The following DGCR2 variants were observed in gnomAD, a reference collection of about 807,000 sequenced individuals.
The protein encoded by DGCR2 is DiGeorge syndrome critical region gene 2.
A neutral mutation model predicts 51.6 loss-of-function variants in DGCR2; 24 were observed. That is an observed-to-expected ratio of 0.47 (90% CI 0.34 to 0.65). The LOEUF (loss-of-function observed/expected upper bound fraction) is 0.65, where lower values mean the gene tolerates loss of function less well. Ranked by LOEUF, DGCR2 falls within the 30% of genes least tolerant of loss-of-function variation. The pLI is 0.01. For missense variants in DGCR2, 765 were observed against 772.1 expected, an observed-to-expected ratio of 0.99 and a Z score of 0.11; for synonymous variants, 340 against 315.4, an observed-to-expected ratio of 1.08 and a Z score of -0.82.
chr22:19,100,559 G>A (rs1006454615), intron 1 of DGCR2, among the ~76,000 whole-genome samples: 11 of 151,978 alleles, frequency 7.2e-5, no homozygotes, highest in African/African-American at 1.9e-4. Context: ...CCAGCTACTC[G>A]GGAGGCTGAG....
chr22:19,112,360 G>A (rs1340685782), intron 1 of DGCR2, among the ~76,000 whole-genome samples: 1 of 151,830 alleles, frequency 6.6e-6, no homozygotes, highest in Admixed American at 6.6e-5. Flanking sequence ...TGAAAGAGGG[G>A]CTTGTTATAA....
At position 19,049,209 on chromosome 22, in the gene DGCR2, T is replaced by G. The variant is rs992308457; in HGVS notation, c.803-566A>C. Among the ~76,000 whole-genome samples the G allele has an allele frequency of 6.6e-5, 10 of 152,302 alleles. No individual in the cohort carries two copies. In the East Asian group the frequency reaches 1.5e-3, roughly 24 times the overall value. ...GCAGCTGCTATGAGTATTAACCATT[T>G]CAAAATCAGAATGTGTGTAAGGAAG... is the stretch of plus-strand genomic sequence containing the variant. On this transcript the variant is annotated intron_variant, in intron 6 of 9. Transcript: ENST00000263196.
chr22:19,039,157 A>T (rs753874055), intron 9 of DGCR2, 36 bp from the exon 10 acceptor site: 1 of 1,609,984 alleles, frequency 6.2e-7, no homozygotes. Flanking sequence ...AGAGGCAGGT[A>T]CGGGCCTGGC....
intron 1 of DGCR2, among the ~76,000 whole-genome samples, chr22:19,103,246 T>C (rs1170825750): frequency 6.6e-6 from 1 of 150,386 alleles, no homozygotes; most frequent in African/African-American, 2.5e-5. Context: ...AATTGGGGAG[T>C]TACTGTTTAA....
intron 1 of DGCR2, among the ~76,000 whole-genome samples, chr22:19,098,283 G>C (rs1389414981): frequency 6.6e-6 from 1 of 150,844 alleles, no homozygotes; most frequent in Non-Finnish European, 1.5e-5. Flanking sequence ...GCCTAGCCCT[G>C]TTTTCCTAAG....
intron 2 of DGCR2, among the ~76,000 whole-genome samples, chr22:19,076,613 G>A (rs1378713356): frequency 6.6e-6 from 1 of 151,798 alleles, no homozygotes; most frequent in East Asian, 1.9e-4. Flanking sequence ...AACATCTAAT[G>A]GCTGTGAGCT....
chr22:19,057,884 GGGCATGGCAC>G lies in DGCR2; in HGVS notation c.626-732_626-723del, dbSNP rs1230350375. 1.3e-5 allele frequency among the ~76,000 whole-genome samples: 2 copies of G among 152,134 alleles called. No homozygotes were observed. Among genetic ancestry groups the G allele is most frequent in the African/African-American group, 2.4e-5 (1 of 41,444 alleles). On this transcript the variant is annotated intron_variant, in intron 5 of 9. Transcript: ENST00000263196. The surrounding 1 kb of genome is among the most constrained non-coding windows in gnomAD (Gnocchi z 5.1). ...TCCAGGTGGGCTCTGGCCATGCCCA[GGGCATGGCAC>G]AGCCAGCCCTAGGCCCCACTCTCTC...
chr22:19,116,870 T>C (rs543472122), intron 1 of DGCR2, among the ~76,000 whole-genome samples: 3 of 151,834 alleles, frequency 2.0e-5, no homozygotes, highest in Non-Finnish European at 4.4e-5. Context: ...CATGCACTAC[T>C]AGATCACCTG....
chr22:19,042,000 C>A, intron 7 of DGCR2, 41 bp from the exon 8 acceptor site: 2 of 1,592,708 alleles, frequency 1.3e-6, no homozygotes, highest in Non-Finnish European at 1.7e-6. Flanking sequence ...GAGAAGGGGG[C>A]CACCCTCGTG....
chr22:19,088,598 T>C (rs766848557), intron 2 of DGCR2, among the ~76,000 whole-genome samples: 1 of 152,210 alleles, frequency 6.6e-6, no homozygotes, highest in African/African-American at 2.4e-5. Flanking sequence ...CATTTAAGCC[T>C]GTGATTCTCA....
chr22:19,056,491 C>A, intron 6 of DGCR2: 1 of 533,714 alleles, frequency 1.9e-6, no homozygotes, highest in Admixed American at 3.6e-5. Context: ...GGAAGGGGAC[C>A]TGCCCCACCA....
intron 1 of DGCR2, among the ~76,000 whole-genome samples, chr22:19,110,231 T>C (rs2083300020): frequency 1.3e-5 from 2 of 152,140 alleles, no homozygotes; most frequent in Admixed American, 1.3e-4. Context: ...TGCCAAGTGC[T>C]GATGAGGGTG....
chr22:19,052,240 A>G (rs2082555674), intron 6 of DGCR2, among the ~76,000 whole-genome samples: 1 of 152,004 alleles, frequency 6.6e-6, no homozygotes, highest in Non-Finnish European at 1.5e-5. Context: ...AACATGGTGA[A>G]ACCCATCTCT....
intron 2 of DGCR2, among the ~76,000 whole-genome samples, chr22:19,085,995 G>A (rs946214443): frequency 3.3e-5 from 5 of 152,234 alleles, no homozygotes; most frequent in Non-Finnish European, 7.4e-5. Flanking sequence ...TGGGGGAAGG[G>A]AGAGTGTCAA....
At chr22:19,115,308 C>T (rs944783881) in intron 1 of DGCR2, among the ~76,000 whole-genome samples, 1 of 152,236 alleles carries the variant, frequency 6.6e-6, no homozygotes, top group Non-Finnish European at 1.5e-5. Context: ...GCCCCTCAAC[C>T]CTCCACCCCA....
At chr22:19,063,136 G>A in intron 5 of DGCR2, 66 bp downstream of exon 5, 1 of 1,465,764 alleles carries the variant, frequency 6.8e-7, no homozygotes, top group Non-Finnish European at 9.5e-7. Flanking sequence ...AGAGGGAGGA[G>A]GGGAGGCCCC....
At chr22:19,069,010 G>A (rs1486430003) in intron 2 of DGCR2, among the ~76,000 whole-genome samples, 1 of 152,248 alleles carries the variant, frequency 6.6e-6, no homozygotes, top group Non-Finnish European at 1.5e-5. Flanking sequence ...TCAGAGAAGG[G>A]GAGTGACTTA....
At chr22:19,118,374 CAAAAA>C (rs923572855) in intron 1 of DGCR2, among the ~76,000 whole-genome samples, 1 of 56,766 alleles carries the variant, frequency 1.8e-5, no homozygotes, top group Non-Finnish European at 3.2e-5. Context: ...CCATCGCAAA[CAAAAA>C]AAAAAAAAAA....
At chr22:19,104,823 C>G (rs980334663) in intron 1 of DGCR2, among the ~76,000 whole-genome samples, 4 of 152,358 alleles carry the variant, frequency 2.6e-5, no homozygotes, top group African/African-American at 4.8e-5. Flanking sequence ...TCCCACAGGT[C>G]ATTTCACCTT....
Sources: gnomAD v4.1 joint callset for allele counts (sites outside exome capture counted in the v4.1 genomes callset) on GRCh38, gnomAD v4.1.1 for gene constraint, Gnocchi (gnomAD v3.1) non-coding constraint, MANE v1.5 for transcripts, NCBI Gene and HGNC (gene_info 2026-07-23, HGNC 2026-07-21) for gene names.